The following MEP1A variants were observed in gnomAD, a reference collection of about 807,000 sequenced individuals.
MEP1A encodes the protein meprin A subunit alpha, also known as N-benzoyl-L-tyrosyl-P-amino-benzoic acid hydrolase subunit alpha.
MEP1A carries 68 observed loss-of-function variants against 84.5 expected under a neutral mutation model. The ratio of observed to expected loss-of-function variants is 0.80; its 90% CI spans 0.66 to 0.98. MEP1A has a LOEUF of 0.98. MEP1A is among the 50% of genes least tolerant of loss of function. The pLI, the probability that MEP1A is intolerant of heterozygous loss-of-function variation, is 0.00. For synonymous variants in MEP1A, 337 were observed against 336.8 expected (o/e 1.00, Z -0.01); for missense variants, 887 against 919.9 (o/e 0.96, Z 0.46).
chr6:46,806,220 C>T (rs1007660607), intron 5 of MEP1A, among the ~76,000 whole-genome samples: 1 of 152,042 alleles, frequency 6.6e-6, no homozygotes, highest in Admixed American at 6.6e-5. Context: ...ATTGCTTTTA[C>T]TAATATCTAT....
chr6:46,800,603 T>C (rs970484620), intron 5 of MEP1A, among the ~76,000 whole-genome samples: 2 of 152,212 alleles, frequency 1.3e-5, no homozygotes, highest in Non-Finnish European at 1.5e-5. Context: ...ACCTTTAGTG[T>C]TAAAGTTCAG....
chr6:46,805,585 A>G (rs570071466), intron 5 of MEP1A, among the ~76,000 whole-genome samples: 1 of 152,052 alleles, frequency 6.6e-6, no homozygotes, highest in South Asian at 2.1e-4. Flanking sequence ...TTTGCTCCAG[A>G]TACACTGTTT....
At position 46,839,750 on chromosome 6, in the gene MEP1A, T is replaced by C. The variant is rs1412794014; in HGVS notation, c.*614T>C. 1 of 152,214 alleles carries C rather than the reference T, an allele frequency of 6.6e-6. No individual in the cohort carries two copies. Among genetic ancestry groups the C allele is most frequent in the East Asian group, 1.9e-4 (1 of 5,198 alleles). 9.4% of individuals were successfully genotyped at this position (152,214 alleles called of 1,614,324 possible). ...CTCTGAGATTCTAAGAGAAGGCCTTTAATAAATTTAATAAATATTGAGTTA... is the reference window on the plus strand; with the variant it reads ...CTCTGAGATTCTAAGAGAAGGCCTTCAATAAATTTAATAAATATTGAGTTA... On this transcript the variant is annotated 3_prime_UTR_variant, in exon 14 of 14. Transcript: ENST00000230588.
chr6:46,807,740 G>C (rs900456651), intron 5 of MEP1A, among the ~76,000 whole-genome samples: 1 of 59,864 alleles, frequency 1.7e-5, no homozygotes, highest in Non-Finnish European at 3.0e-5. Context: ...AGAAGAAGGA[G>C]GGAAGGAAAG....
chr6:46,832,781 A>G (rs1463198831), intron 10 of MEP1A, among the ~76,000 whole-genome samples: 1 of 152,186 alleles, frequency 6.6e-6, no homozygotes, highest in Admixed American at 6.5e-5. Context: ...GAACCAGCCA[A>G]CTCAGGAGGA....
intron 5 of MEP1A, among the ~76,000 whole-genome samples, chr6:46,800,352 G>C (rs2150740420): frequency 6.6e-6 from 1 of 152,246 alleles, no homozygotes; most frequent in East Asian, 1.9e-4. Context: ...ACTCAGATGA[G>C]GATCCTGTTA....
intron 5 of MEP1A, among the ~76,000 whole-genome samples, chr6:46,804,543 C>A (rs187745444): frequency 6.6e-6 from 1 of 151,802 alleles, no homozygotes; most frequent in East Asian, 1.9e-4. Flanking sequence ...TTCAAAGTCG[C>A]TTTCGGGCAC....
intron 5 of MEP1A, among the ~76,000 whole-genome samples, chr6:46,804,722 A>G (rs949528169): frequency 2.6e-5 from 4 of 151,734 alleles, no homozygotes; most frequent in Non-Finnish European, 5.9e-5. Flanking sequence ...CCAAATTCCT[A>G]TCAAGAGATG....
At position 46,833,515 on chromosome 6, in the gene MEP1A, C is replaced by A; in HGVS notation, c.1586C>A (p.Thr529Asn). Residue 529 changes from threonine (T) to asparagine (N), a missense_variant, in exon 11 of 14, where the codon ACC becomes AAC. Coordinates refer to ENST00000230588, the MANE Select transcript of MEP1A (RefSeq NM_005588.3). Reference sequence around the variant, plus strand: ...ATGTCCTCAAGCATGGTGTTCACTACCTCGAAGTCGCACACATCTCCAGGT... The same window carrying A: ...ATGTCCTCAAGCATGGTGTTCACTAACTCGAAGTCGCACACATCTCCAGGT... ...NRMSSSMVFTTSKSHTSPAIN... is the reference protein window; with the variant it reads ...NRMSSSMVFTNSKSHTSPAIN... 2.5e-6 allele frequency: 4 copies of A among 1,614,018 alleles called. No individual in the cohort carries two copies. The highest frequency in any genetic ancestry group is 3.4e-6 in the Non-Finnish European group (4 of 1,179,958).
Position 46,829,356 on chromosome 6 carries a change from G to T in MEP1A, c.929G>T (p.Gly310Val). The T allele has an allele frequency of 6.2e-7, 1 of 1,612,868 alleles. No homozygotes were observed. Among genetic ancestry groups the T allele is most frequent in the Non-Finnish European group, 8.5e-7 (1 of 1,179,916 alleles). The change falls in exon 10 of 14, where the codon GGT (glycine) becomes GTT (valine). Residue 310 changes from glycine (G) to valine (V), a missense_variant and splice_region_variant. Coordinates refer to ENST00000230588, the MANE Select transcript of MEP1A (RefSeq NM_005588.3). ...VDHTLLGQCT[G>V]AGYFMQFSTS... Reference sequence around the variant, plus strand: ...TGATGTTTGGCTGCTCTTTCCATAGGTGCCGGCTACTTCATGCAGTTCAGC... The same window carrying T: ...TGATGTTTGGCTGCTCTTTCCATAGTTGCCGGCTACTTCATGCAGTTCAGC...
chr6:46,797,822 CTT>C (rs1187130826), intron 3 of MEP1A, among the ~76,000 whole-genome samples: 15 of 147,838 alleles, frequency 1.0e-4, no homozygotes, highest in Non-Finnish European at 7.5e-5. Flanking sequence ...TTCTTTCTTT[CTT>C]TCTTTCTTTC....
At chr6:46,811,765 G>A (rs1041397422) in intron 6 of MEP1A, among the ~76,000 whole-genome samples, 2 of 152,020 alleles carry the variant, frequency 1.3e-5, no homozygotes, top group Non-Finnish European at 2.9e-5. Flanking sequence ...TTTATGTGGT[G>A]TATCACATTT....
At chr6:46,829,691 C>T in intron 10 of MEP1A, 120 bp downstream of exon 10, 1 of 722,044 alleles carries the variant, frequency 1.4e-6, no homozygotes, top group South Asian at 1.7e-5. Context: ...TTTTCCTCCA[C>T]CCACTTTCTT....
rs1362086703 is a variant in MEP1A at position 46,831,409 on chromosome 6, C to T, written c.1145-1665C>T. Reference sequence around the variant, plus strand: ...CTATGTGTATGTACACACACATGCACACACACACGTTTTTACTGAGGCCAG... The same window carrying T: ...CTATGTGTATGTACACACACATGCATACACACACGTTTTTACTGAGGCCAG... On this transcript the variant is annotated intron_variant, in intron 10 of 13. Coordinates refer to ENST00000230588, the MANE Select transcript of MEP1A (RefSeq NM_005588.3). Among the ~76,000 whole-genome samples the T allele has an allele frequency of 4.9e-4, 75 of 152,122 alleles. 1 individual carries two copies. The highest frequency in any genetic ancestry group is 4.9e-3 in the Admixed American group (75 of 15,264).
intron 7 of MEP1A, among the ~76,000 whole-genome samples, chr6:46,820,611 C>T (rs894438479): frequency 1.3e-5 from 2 of 152,200 alleles, no homozygotes; most frequent in African/African-American, 4.8e-5. Context: ...TGGTCTTGAA[C>T]TCCTGACCTC....
downstream of MEP1A, among the ~76,000 whole-genome samples, chr6:46,841,799 G>T (rs569469456): frequency 2.0e-5 from 3 of 152,284 alleles, no homozygotes; most frequent in African/African-American, 7.2e-5. Context: ...AGAAGTGGAT[G>T]GGAACTCTAA....
chr6:46,811,069 C>T (rs180778977), intron 6 of MEP1A, among the ~76,000 whole-genome samples: 1 of 152,040 alleles, frequency 6.6e-6, no homozygotes, highest in African/African-American at 2.4e-5. Context: ...ATTGTGTTCA[C>T]TTTCACAGTA....
intron 6 of MEP1A, among the ~76,000 whole-genome samples, chr6:46,814,147 TC>T (rs1767573444): frequency 6.6e-6 from 1 of 152,202 alleles, no homozygotes; most frequent in South Asian, 2.1e-4. Flanking sequence ...AAATACGTTT[TC>T]CAAATATTTG....
intron 10 of MEP1A, 57 bp from the exon 11 acceptor site, chr6:46,833,017 A>G (rs560353371): frequency 2.6e-4 from 258 of 978,378 alleles, no homozygotes; most frequent in Non-Finnish European, 3.7e-4. Flanking sequence ...CAAACTCATA[A>G]TAAGTACTCA....
Sources: allele counts gnomAD v4.1 joint callset (sites outside exome capture counted in the v4.1 genomes callset), GRCh38; gene constraint gnomAD v4.1.1; transcripts MANE v1.5; gene names NCBI Gene and HGNC (gene_info 2026-07-23, HGNC 2026-07-21).